The following SLC6A15 variants were observed in gnomAD, a reference collection of about 807,000 sequenced individuals.
The protein encoded by SLC6A15 is solute carrier family 6 member 15.
Under a neutral mutation model 68.5 loss-of-function variants are expected in SLC6A15, and 33 were observed. The observed-to-expected ratio is 0.48, with a 90% CI of 0.37 to 0.64. The LOEUF (loss-of-function observed/expected upper bound fraction) is 0.64. Ranked by LOEUF, SLC6A15 falls within the 30% of genes least tolerant of loss-of-function variation. SLC6A15 has a pLI of 0.00. For synonymous variants in SLC6A15, 347 were observed against 301.0 expected (o/e 1.15, Z -1.58); for missense variants, 747 against 874.3 (o/e 0.85, Z 1.84).
At chr12:84,909,583 A>T (rs1172020965) in intron 1 of SLC6A15, among the ~76,000 whole-genome samples, 1 of 152,200 alleles carries the variant, frequency 6.6e-6, no homozygotes, top group African/African-American at 2.4e-5. Context: ...CATGCATCCA[A>T]CTATGCCTGT....
intron 5 of SLC6A15, chr12:84,883,430 A>G: frequency 9.3e-7 from 1 of 1,076,694 alleles, no homozygotes; most frequent in Non-Finnish European, 1.1e-6. Context: ...TTATGCAGCT[A>G]TTCCTTAGAA....
At position 84,867,174 on chromosome 12, in the gene SLC6A15, T is replaced by G; in HGVS notation, c.1515A>C (p.Ala505=). ...EILTVICCLL[A]FCIGLIFVQR... is the part of the protein sequence containing the mutation. ...GCACAAATATCAGGCCAATACAAAA[T>G]GCCAGAAGACAACAGATAACTAGAC... Residue 505 remains alanine, a synonymous_variant, in exon 10 of 12, where the codon GCA becomes GCC. Transcript: ENST00000266682. 1 of 1,602,596 alleles carries G rather than the reference T, an allele frequency of 6.2e-7. No homozygotes were observed. Among genetic ancestry groups the G allele is most frequent in the Middle Eastern group, 1.7e-4 (1 of 6,016 alleles).
chr12:84,907,736 C>G (rs916275590), intron 1 of SLC6A15, among the ~76,000 whole-genome samples: 7 of 152,226 alleles, frequency 4.6e-5, no homozygotes, highest in Admixed American at 2.0e-4. Flanking sequence ...TCCAGAAAAG[C>G]CTATGCAGGA....
rs1247932203 is a variant in SLC6A15 at position 84,861,943 on chromosome 12, A to T, written c.1882T>A (p.Phe628Ile). The T allele has an allele frequency of 6.2e-7, 1 of 1,613,766 alleles. No homozygotes were observed. Among genetic ancestry groups the T allele is most frequent in the South Asian group, 1.1e-5 (1 of 91,058 alleles). The change falls in exon 12 of 12, where the codon TTT (phenylalanine) becomes ATT (isoleucine). Residue 628 changes from phenylalanine to isoleucine, a missense_variant. Transcript: ENST00000266682. The stretch of plus-strand genomic sequence containing the variant: ...ACTACAGGGACTGGGAGTATTGCAA[A>T]GACAACCAGAGAGACACAAACAACC... Reference protein sequence around the residue: ...GLVVCVSLVVFAILPVPVVFI... With the variant: ...GLVVCVSLVVIAILPVPVVFI...
intron 11 of SLC6A15, among the ~76,000 whole-genome samples, chr12:84,862,533 C>T (rs1337635292): frequency 6.6e-6 from 1 of 152,040 alleles, no homozygotes; most frequent in African/African-American, 2.4e-5. Flanking sequence ...ATGCCTCAGT[C>T]TAGAATTATT....
chr12:84,897,405 A>G (rs1014276634), intron 1 of SLC6A15, among the ~76,000 whole-genome samples: 11 of 152,132 alleles, frequency 7.2e-5, no homozygotes, highest in Admixed American at 5.2e-4. Context: ...CAAACTTCTA[A>G]TTGGTATAGC....
intron 8 of SLC6A15, among the ~76,000 whole-genome samples, chr12:84,872,269 A>G (rs1004068401): frequency 1.3e-5 from 2 of 152,206 alleles, no homozygotes; most frequent in African/African-American, 2.4e-5. Context: ...GAGAGCCATA[A>G]TTCTAATTCT....
chr12:84,909,920 T>G (rs2120752809), intron 1 of SLC6A15, among the ~76,000 whole-genome samples: 1 of 152,296 alleles, frequency 6.6e-6, no homozygotes, highest in African/African-American at 2.4e-5. Context: ...TATTTACAAT[T>G]TCAACTATGA....
At chr12:84,906,274 G>C (rs1471793471) in intron 1 of SLC6A15, among the ~76,000 whole-genome samples, 1 of 152,096 alleles carries the variant, frequency 6.6e-6, no homozygotes, top group Non-Finnish European at 1.5e-5. Flanking sequence ...ACAAAGTGCT[G>C]ATAAAGTAAA....
chr12:84,888,402 T>C (rs1335294640), intron 2 of SLC6A15, among the ~76,000 whole-genome samples: 1 of 151,968 alleles, frequency 6.6e-6, no homozygotes, highest in Non-Finnish European at 1.5e-5. Flanking sequence ...GAAAAGGTGA[T>C]ATTATGCACC....
In SLC6A15 at chr12:84,896,435, A is replaced by AT. The variant is rs923073418; in HGVS notation, c.-188-4128dup. Among the ~76,000 whole-genome samples the AT allele has an allele frequency of 1.4e-4, 21 of 152,052 alleles. 1 individual carries two copies. The highest frequency in any genetic ancestry group is 1.5e-4 in the Non-Finnish European group (10 of 68,008). On this transcript the variant is annotated intron_variant, in intron 1 of 11. Coordinates refer to ENST00000266682, the MANE Select transcript of SLC6A15 (RefSeq NM_182767.6). The stretch of plus-strand genomic sequence containing the variant: ...GTAGATTTACATTTTGTTATGGCTG[A>AT]TTTTGTGCTACAACAACAGAGTTAT...
Position 84,892,205 on chromosome 12 carries a change from C to T in SLC6A15, c.-85G>A. On this transcript the variant is annotated 5_prime_UTR_variant, in exon 2 of 12. Coordinates refer to ENST00000266682, the MANE Select transcript of SLC6A15 (RefSeq NM_182767.6). ...AACTCTATTTTTCAAAACAATGTTACTTGATAGGAAGTAAAGACCGAGGAT... is the reference window on the plus strand; with the variant it reads ...AACTCTATTTTTCAAAACAATGTTATTTGATAGGAAGTAAAGACCGAGGAT... 2 of 1,276,476 alleles carry T rather than the reference C, an allele frequency of 1.6e-6. No individual in the cohort carries two copies. Among genetic ancestry groups the T allele is most frequent in the Non-Finnish European group, 2.1e-6 (2 of 930,510 alleles). 79.1% of individuals were successfully genotyped at this position (1,276,476 alleles called of 1,614,324 possible).
intron 1 of SLC6A15, among the ~76,000 whole-genome samples, chr12:84,905,623 A>T (rs1873105910): frequency 6.6e-6 from 1 of 152,210 alleles, no homozygotes; most frequent in African/African-American, 2.4e-5. Flanking sequence ...AGGACCTCCC[A>T]CAAATACCAA....
intron 1 of SLC6A15, among the ~76,000 whole-genome samples, chr12:84,898,788 C>G (rs1872733543): frequency 6.6e-6 from 1 of 152,176 alleles, no homozygotes; most frequent in Admixed American, 6.5e-5. Flanking sequence ...AGGTCCAGAG[C>G]CAATGCTGCA....
intron 2 of SLC6A15, among the ~76,000 whole-genome samples, chr12:84,889,450 C>A (rs528958060): frequency 6.6e-6 from 1 of 150,892 alleles, no homozygotes; most frequent in East Asian, 1.9e-4. Flanking sequence ...ACAGAGATTG[C>A]GCCACTGAAC....
intron 6 of SLC6A15, among the ~76,000 whole-genome samples, chr12:84,875,638 G>T (rs1871483293): frequency 7.7e-6 from 1 of 130,456 alleles, no homozygotes; most frequent in Non-Finnish European, 1.6e-5. Context: ...CAAACTAATA[G>T]TGGGGTGCAC....
At chr12:84,884,596 G>A (rs1198528673) in intron 4 of SLC6A15, among the ~76,000 whole-genome samples, 1 of 151,942 alleles carries the variant, frequency 6.6e-6, no homozygotes, top group African/African-American at 2.4e-5. Context: ...GTGAGCCACC[G>A]CACCCAACCC....
chr12:84,906,210 CATA>C (rs1349672910), intron 1 of SLC6A15, among the ~76,000 whole-genome samples: 1 of 152,076 alleles, frequency 6.6e-6, no homozygotes, highest in African/African-American at 2.4e-5. Flanking sequence ...ATTAAACTGA[CATA>C]ATTACACGAA....
In SLC6A15 at chr12:84,879,485, C is replaced by A. The variant is rs147435375; in HGVS notation, c.757-2878G>T. On this transcript the variant is annotated intron_variant, in intron 5 of 11. Coordinates refer to ENST00000266682, the MANE Select transcript of SLC6A15 (RefSeq NM_182767.6). ...GGATTACAGGCACCTGCCACCATGC[C>A]CGGACAATTTTTTGTATTTTAGTAG... Among the ~76,000 whole-genome samples the A allele has an allele frequency of 1.7e-3, 260 of 151,710 alleles. 2 individuals carry two copies. Among genetic ancestry groups the A allele is most frequent in the African/African-American group, 6.1e-3 (254 of 41,430 alleles).
Sources: gnomAD v4.1 joint callset for allele counts (sites outside exome capture counted in the v4.1 genomes callset) on GRCh38, gnomAD v4.1.1 for gene constraint, MANE v1.5 for transcripts, NCBI Gene and HGNC (gene_info 2026-07-23, HGNC 2026-07-21) for gene names.